GDPD4: variants seen among roughly 807,000 people sequenced by gnomAD.
GDPD4 encodes glycerophosphodiester phosphodiesterase 6.
In GDPD4, 60 loss-of-function variants were observed where a neutral mutation model predicts 67.8. The ratio of observed to expected loss-of-function variants is 0.88; its 90% CI spans 0.72 to 1.10. The LOEUF (loss-of-function observed/expected upper bound fraction) is 1.10. Ranked by LOEUF, GDPD4 falls within the 50% of genes least tolerant of loss-of-function variation. The probability of loss-of-function intolerance (pLI) is 0.00; values close to 1 mark genes in which losing one functional copy is unlikely to be tolerated. For missense variants in GDPD4, 623 were observed against 613.9 expected (o/e 1.01, Z -0.16); for synonymous variants, 212 against 210.9 (o/e 1.00, Z -0.04).
chr11:77,238,682 GAGTAATAAAA>G (rs1270567187), intron 13 of GDPD4, among the ~76,000 whole-genome samples: 1 of 151,616 alleles, frequency 6.6e-6, no homozygotes, highest in Non-Finnish European at 1.5e-5. Flanking sequence ...CAATAACAAG[GAGTAATAAAA>G]AGTAATACAA....
At chr11:77,251,574 C>T (rs66728428) in intron 11 of GDPD4, among the ~76,000 whole-genome samples, 30,974 of 152,148 alleles carry the variant, frequency 0.2, 3,868 homozygotes, top group Non-Finnish European at 0.28. Context: ...AGCTGTCAGT[C>T]TAATGAGAAT....
rs57989259 is a variant in GDPD4, at chr11:77,235,009, G to GTTTTTTTTTTTTTTTTTTTTTTT, written c.1242-1860_1242-1838dup. Among the ~76,000 whole-genome samples the GTTTTTTTTTTTTTTTTTTTTTTT allele has an allele frequency of 1.1e-3, 59 of 52,262 alleles. 10 individuals carry two copies. The highest frequency in any genetic ancestry group is 1.4e-3 in the Non-Finnish European group (37 of 27,084). The allele number at this position is 52,262 out of a possible 152,430, so 34.3% of individuals were successfully genotyped here. On this transcript the variant is annotated intron_variant, in intron 13 of 16. Transcript: ENST00000315938. ...TCTCTCTGCAACCTTGTCAATATCTGTTTTTTTTTTTTTTTTTTTTTTTTT... is the reference window on the plus strand; with the variant it reads ...TCTCTCTGCAACCTTGTCAATATCTGTTTTTTTTTTTTTTTTTTTTTTTTTTTTTTTTTTTTTTTTTTTTTTTT...
At chr11:77,301,005 T>C (rs1032962901) in intron 1 of GDPD4, among the ~76,000 whole-genome samples, 16 of 151,478 alleles carry the variant, frequency 1.1e-4, no homozygotes, top group African/African-American at 3.9e-4. Flanking sequence ...TTAACCAGAA[T>C]AATTACCACC....
At chr11:77,298,836 TTTC>T (rs1418293652) in intron 1 of GDPD4, among the ~76,000 whole-genome samples, 3 of 152,186 alleles carry the variant, frequency 2.0e-5, no homozygotes, top group Admixed American at 6.5e-5. Context: ...AAAATATTTT[TTTC>T]TTTTTTGACT....
intron 13 of GDPD4, among the ~76,000 whole-genome samples, chr11:77,241,575 C>T (rs1434640305): frequency 7.0e-6 from 1 of 142,534 alleles, no homozygotes; most frequent in Non-Finnish European, 1.5e-5. Flanking sequence ...GAAGTAGAGG[C>T]TGCAGTGAGC....
rs1199798526 is a variant in GDPD4 at position 77,269,072 on chromosome 11, GA to G, written c.479-4del. ...TAATCCAACAGGCACTTGTAGACCT[GA>G]AAAATTTGAAAGGAAGGGGAAGTGG... On this transcript the variant is annotated splice_polypyrimidine_tract_variant and splice_region_variant and intron_variant, in intron 8 of 16. Coordinates refer to ENST00000315938, the MANE Select transcript of GDPD4 (RefSeq NM_182833.3). 6 of 1,610,796 alleles carry G rather than the reference GA, an allele frequency of 3.7e-6. No individual in the cohort carries two copies. The highest frequency in any genetic ancestry group is 5.1e-6 in the Non-Finnish European group (6 of 1,178,816).
intron 10 of GDPD4, among the ~76,000 whole-genome samples, chr11:77,262,731 T>C (rs1235655216): frequency 6.6e-6 from 1 of 151,844 alleles, no homozygotes; most frequent in African/African-American, 2.4e-5. Flanking sequence ...ATCAACGATC[T>C]GCACACTTCA....
At position 77,272,854 on chromosome 11, in the gene GDPD4, G is replaced by A. The variant is rs112228956; in HGVS notation, c.208-1461C>T. On this transcript the variant is annotated intron_variant, in intron 5 of 16. Transcript: ENST00000315938. ...ACTCATATAGGGTCTTTCCTCTCCC[G>A]TATTAGTATACATTCTGTTTTTGGA... is the stretch of plus-strand genomic sequence containing the variant. Among the ~76,000 whole-genome samples the A allele has an allele frequency of 3.5e-3, 533 of 151,952 alleles. 1 individual carries two copies. The highest frequency in any genetic ancestry group is 0.012 in the African/African-American group (492 of 41,456).
At chr11:77,282,711 A>AAC (rs1959818645) in intron 3 of GDPD4, among the ~76,000 whole-genome samples, 1 of 151,544 alleles carries the variant, frequency 6.6e-6, no homozygotes, top group African/African-American at 2.4e-5. Context: ...ACAACAACAA[A>AAC]AAAAAAAACA....
chr11:77,269,577 T>A (rs994994805), intron 8 of GDPD4, among the ~76,000 whole-genome samples: 1 of 152,212 alleles, frequency 6.6e-6, no homozygotes, highest in Non-Finnish European at 1.5e-5. Flanking sequence ...CTCTGAATCT[T>A]CATTTTCTTC....
chr11:77,244,051 T>C lies in GDPD4; in HGVS notation c.1087-203A>G, dbSNP rs538211331. On this transcript the variant is annotated intron_variant, in intron 12 of 16. Coordinates refer to ENST00000315938, the MANE Select transcript of GDPD4 (RefSeq NM_182833.3). ...TTGTTTTTGAGATGGAGTCTCGCTC[T>C]GTCGCCCAGGCTGGAGTGCAGTGGC... 6.6e-5 allele frequency among the ~76,000 whole-genome samples: 10 copies of C among 152,228 alleles called. No individual in the cohort carries two copies. In the South Asian group the frequency reaches 1.7e-3, roughly 25 times the overall value.
intron 3 of GDPD4, among the ~76,000 whole-genome samples, chr11:77,282,088 T>C (rs1486570459): frequency 5.9e-5 from 9 of 152,062 alleles, no homozygotes; most frequent in Non-Finnish European, 1.5e-5. Context: ...ATGATGAGAA[T>C]GGCTTATAAC....
intron 11 of GDPD4, among the ~76,000 whole-genome samples, chr11:77,245,964 T>A (rs532055027): frequency 6.6e-6 from 1 of 152,332 alleles, no homozygotes; most frequent in Non-Finnish European, 1.5e-5. Flanking sequence ...CAAATGCTAT[T>A]TCCCTCATGA....
chr11:77,227,746 C>A, intron 16 of GDPD4, 118 bp downstream of exon 16: 10 of 682,770 alleles, frequency 1.5e-5, no homozygotes, highest in African/African-American at 3.6e-5. Flanking sequence ...CCCCCAACCC[C>A]ACCCCCAACT....
chr11:77,274,312 C>G (rs892320176), intron 5 of GDPD4, among the ~76,000 whole-genome samples: 1 of 152,160 alleles, frequency 6.6e-6, no homozygotes, highest in African/African-American at 2.4e-5. Flanking sequence ...AAGGCTTGGA[C>G]CTGTGTTCCC....
intron 14 of GDPD4, among the ~76,000 whole-genome samples, chr11:77,232,760 G>A (rs1363586659): frequency 6.6e-6 from 1 of 152,102 alleles, no homozygotes; most frequent in African/African-American, 2.4e-5. Context: ...TGATAACAGT[G>A]GCCAATTCAA....
intron 12 of GDPD4, among the ~76,000 whole-genome samples, chr11:77,244,191 A>G (rs1367479206): frequency 6.6e-6 from 1 of 151,888 alleles, no homozygotes; most frequent in African/African-American, 2.4e-5. Context: ...AATTTTTTGT[A>G]TTTTTATTGT....
chr11:77,253,277 G>A (rs1958940682), intron 11 of GDPD4, among the ~76,000 whole-genome samples: 1 of 152,198 alleles, frequency 6.6e-6, no homozygotes, highest in Non-Finnish European at 1.5e-5. Context: ...GGGAGCTTGA[G>A]CCAACAGGGC....
In GDPD4 at chr11:77,276,028, C is replaced by A. The variant is rs186572224; in HGVS notation, c.207+133G>T. The A allele has an allele frequency of 1.3e-4, 83 of 648,952 alleles. No homozygotes were observed. The Admixed American group carries it at 1.8e-3, about 14-fold the overall frequency. 40.2% of individuals were successfully genotyped at this position (648,952 alleles called of 1,614,324 possible). Reference sequence around the variant, plus strand: ...TTCAGTTAATATGGTGTAAGTAAATCTCTTCTCTCCAAGGAGAACAGTAAC... The same window carrying A: ...TTCAGTTAATATGGTGTAAGTAAATATCTTCTCTCCAAGGAGAACAGTAAC... On this transcript the variant is annotated intron_variant, in intron 5 of 16. Coordinates refer to ENST00000315938, the MANE Select transcript of GDPD4 (RefSeq NM_182833.3).
Sources: allele counts gnomAD v4.1 joint callset (sites outside exome capture counted in the v4.1 genomes callset), GRCh38; gene constraint gnomAD v4.1.1; transcripts MANE v1.5; gene names NCBI Gene and HGNC (gene_info 2026-07-23, HGNC 2026-07-21).